Variants in TENM1 observed in about 807,000 individuals in gnomAD.
The protein encoded by TENM1 is teneurin-1.
A neutral mutation model predicts 174.8 loss-of-function variants in TENM1; 35 were observed. The observed-to-expected ratio is 0.20, with a 90% CI of 0.15 to 0.27. The LOEUF is 0.27. Among genes scored for constraint, TENM1 ranks in the 10% least tolerant of loss-of-function variants. The pLI, the probability that TENM1 is intolerant of heterozygous loss-of-function variation, is 1.00. For synonymous variants in TENM1, 781 were observed against 798.7 expected, an observed-to-expected ratio of 0.98 and a Z score of 0.37; for missense variants, 1,633 against 2,130.1, an observed-to-expected ratio of 0.77 and a Z score of 4.59.
chrX:124,579,912 G>A (rs1456227458), intron 11 of TENM1, among the ~76,000 whole-genome samples: 2 of 111,599 alleles, frequency 1.8e-5, no homozygotes, highest in Non-Finnish European at 3.8e-5. Flanking sequence ...AGGGAAACCA[G>A]GAAGTCAGGA....
intron 5 of TENM1, among the ~76,000 whole-genome samples, chrX:124,682,402 G>C (rs2052257843): frequency 9.0e-6 from 1 of 110,974 alleles, no homozygotes; most frequent in Non-Finnish European, 1.9e-5. Flanking sequence ...GTATGAAATG[G>C]GTCCCAAGAA....
chrX:124,717,948 A>G (rs1346219524), intron 4 of TENM1, among the ~76,000 whole-genome samples: 1 of 112,355 alleles, frequency 8.9e-6, no homozygotes, highest in Non-Finnish European at 1.9e-5. Context: ...TGTACTTTCT[A>G]TTTTTGAAAT....
At chrX:124,662,192 C>T (rs768801939) in intron 6 of TENM1, among the ~76,000 whole-genome samples, 10 of 111,013 alleles carry the variant, frequency 9.0e-5, no homozygotes, top group East Asian at 8.5e-4. Context: ...CAGTGGCTCA[C>T]GCCTGTAATC....
chrX:124,964,205 C>T (rs971194201), upstream of TENM1, among the ~76,000 whole-genome samples: 17 of 112,299 alleles, frequency 1.5e-4, no homozygotes, highest in African/African-American at 5.2e-4. Context: ...ATTAACCCTG[C>T]ACATTCCACA....
the TENM1 span, among the ~76,000 whole-genome samples, chrX:125,129,617 T>C: frequency 9.2e-6 from 1 of 109,146 alleles, no homozygotes; most frequent in African/African-American, 3.3e-5. Context: ...TCCCAGCCTC[T>C]AGTAACCATC....
chrX:124,472,444 A>C (rs1256401321), intron 22 of TENM1, among the ~76,000 whole-genome samples: 1 of 93,784 alleles, frequency 1.1e-5, no homozygotes, highest in Non-Finnish European at 2.0e-5. Context: ...CATATAACTT[A>C]TGTCATTAAT....
In TENM1 at chrX:124,817,504, C is replaced by T. The variant is rs763013048; in HGVS notation, c.535+76792G>A. On this transcript the variant is annotated intron_variant, in intron 3 of 31. Coordinates refer to ENST00000422452, the Ensembl canonical transcript of TENM1. ...CCTGGGATTCTCACAGTAGTGGCAG[C>T]AGCTATGTCAGAGGACCCTTACATA... Among the ~76,000 whole-genome samples the T allele has an allele frequency of 8.0e-5, 9 of 112,026 alleles. No homozygotes were observed. In the Admixed American group the frequency reaches 8.6e-4, roughly 11 times the overall value.
the TENM1 span, among the ~76,000 whole-genome samples, chrX:125,177,321 G>C: frequency 8.9e-6 from 1 of 111,829 alleles, no homozygotes; most frequent in East Asian, 2.8e-4. Flanking sequence ...ACAGAAAACA[G>C]CTATTTAAAG....
Position 124,524,411 on chromosome X carries a change from C to G in TENM1, c.2772-786G>C, listed in dbSNP as rs146369449. Among the ~76,000 whole-genome samples the G allele has an allele frequency of 4.6e-3, 515 of 112,012 alleles. 3 individuals carry two copies. The highest frequency in any genetic ancestry group is 0.016 in the African/African-American group (497 of 30,835). On this transcript the variant is annotated intron_variant, in intron 16 of 31. Transcript: ENST00000422452. ...ATATCTTGTTCAGGGTCACAAACAT[C>G]GTGTCAGAAAGCAGACAGTGTCTTT...
chrX:125,102,903 G>C, the TENM1 span, among the ~76,000 whole-genome samples: 20 of 111,909 alleles, frequency 1.8e-4, no homozygotes, highest in East Asian at 3.6e-3. Context: ...CAAGAGATAA[G>C]GGTGAGAGGT....
chrX:124,409,688 A>C (rs1254255296), intron 25 of TENM1, among the ~76,000 whole-genome samples: 1 of 106,639 alleles, frequency 9.4e-6, no homozygotes, highest in African/African-American at 3.4e-5. Flanking sequence ...ATACAAAATC[A>C]ATGTGCAAAA....
At chrX:124,520,121 A>G (rs1308087456) in intron 18 of TENM1, among the ~76,000 whole-genome samples, 1 of 112,096 alleles carries the variant, frequency 8.9e-6, no homozygotes, top group Non-Finnish European at 1.9e-5. Context: ...GACATAAAAG[A>G]TAGTAAGTGG....
intron 16 of TENM1, among the ~76,000 whole-genome samples, chrX:124,528,384 G>A (rs951786965): frequency 2.7e-5 from 3 of 111,291 alleles, no homozygotes; most frequent in Non-Finnish European, 3.8e-5. Context: ...ATAATTCACC[G>A]AAACCTTTGT....
intron 9 of TENM1, among the ~76,000 whole-genome samples, chrX:124,646,275 T>C (rs1421170471): frequency 2.7e-5 from 3 of 112,048 alleles, no homozygotes; most frequent in African/African-American, 9.7e-5. Context: ...CCCTTCCACA[T>C]ACATTGGTGT....
chrX:124,909,807 T>C (rs1017024703), intron 1 of TENM1, among the ~76,000 whole-genome samples: 1 of 112,295 alleles, frequency 8.9e-6, no homozygotes, highest in Admixed American at 9.5e-5. Flanking sequence ...GTTTTGAAAT[T>C]ATTTAACAAC....
chrX:124,912,681 T>C (rs775790206), intron 1 of TENM1, among the ~76,000 whole-genome samples: 1 of 111,789 alleles, frequency 8.9e-6, no homozygotes, highest in African/African-American at 3.3e-5. Context: ...AAAAGTCCAG[T>C]CTTGAAAGGG....
At chrX:124,687,176 C>T (rs2052387970) in intron 5 of TENM1, among the ~76,000 whole-genome samples, 1 of 111,599 alleles carries the variant, frequency 9.0e-6, no homozygotes, top group African/African-American at 3.3e-5. Flanking sequence ...ACGCTGGAGG[C>T]ATCATGCTAC....
At chrX:124,428,029 A>C (rs2060737676) in intron 23 of TENM1, among the ~76,000 whole-genome samples, 1 of 111,864 alleles carries the variant, frequency 8.9e-6, no homozygotes, top group African/African-American at 3.3e-5. Context: ...CAGGCAAACT[A>C]TTTGGCCTCA....
At chrX:125,024,295 G>C in the TENM1 span, among the ~76,000 whole-genome samples, 1 of 109,717 alleles carries the variant, frequency 9.1e-6, no homozygotes, top group Admixed American at 9.8e-5. Flanking sequence ...ATTCACAATA[G>C]CAAAGTCATG....
Sources: allele counts gnomAD v4.1 joint callset (sites outside exome capture counted in the v4.1 genomes callset), GRCh38; gene constraint gnomAD v4.1.1; transcripts MANE v1.5; gene names NCBI Gene and HGNC (gene_info 2026-07-23, HGNC 2026-07-21).